Variants in SLC3A1 observed in about 807,000 individuals in gnomAD.
SLC3A1 encodes the protein solute carrier family 3 member 1.
A neutral mutation model predicts 60.3 loss-of-function variants in SLC3A1; 78 were observed. The observed-to-expected ratio is 1.29, with a 90% CI of 1.08 to 1.56. The LOEUF is 1.56. Ranked by LOEUF, SLC3A1 falls within the 40% of genes most tolerant of loss-of-function variation. SLC3A1 has a pLI of 0.00. For missense variants in SLC3A1, 1,172 were observed against 858.9 expected (o/e 1.36, Z -4.56); for synonymous variants, 392 against 307.9 (o/e 1.27, Z -2.86).
intron 3 of SLC3A1, among the ~76,000 whole-genome samples, chr2:44,282,902 C>T (rs537061746): frequency 6.6e-6 from 1 of 152,292 alleles, no homozygotes; most frequent in African/African-American, 2.4e-5. Flanking sequence ...AAGTGATCCT[C>T]CCGCTTCGGC....
chr2:44,319,304 T>G (rs1672715611), intron 9 of SLC3A1: 1 of 152,656 alleles, frequency 6.6e-6, no homozygotes, highest in Non-Finnish European at 1.5e-5. Flanking sequence ...TTATGAAGAA[T>G]AATTTGGCAT....
chr2:44,315,189 C>T (rs1672398873), intron 9 of SLC3A1: 2 of 151,974 alleles, frequency 1.3e-5, no homozygotes, highest in Non-Finnish European at 2.9e-5. Context: ...GTGATCCGCC[C>T]ACCTCGGCCT....
Position 44,313,962 on chromosome 2 carries a change from G to A in SLC3A1, c.1617+11G>A, listed in dbSNP as rs753669406. The stretch of plus-strand genomic sequence containing the variant: ...ACTGTGAATGTTGATGTAAGTATCA[G>A]TGAAAATTTTATGTTGATTCTAGAA... On this transcript the variant is annotated intron_variant, in intron 9 of 9. Transcript: ENST00000260649. 9.3e-6 allele frequency: 15 copies of A among 1,614,010 alleles called. No individual in the cohort carries two copies. In the South Asian group the frequency reaches 1.4e-4, roughly 15 times the overall value.
In SLC3A1 at chr2:44,320,882, A is replaced by G. The variant is rs1672884433; in HGVS notation, c.*243A>G. 3.8e-6 allele frequency: 2 copies of G among 530,026 alleles called. No individual in the cohort carries two copies. The highest frequency in any genetic ancestry group is 2.2e-5 in the South Asian group (1 of 46,210). The allele number at this position is 530,026 out of a possible 1,614,324, so 32.8% of individuals were successfully genotyped here. On this transcript the variant is annotated 3_prime_UTR_variant, in exon 10 of 10. Coordinates refer to ENST00000260649, the MANE Select transcript of SLC3A1 (RefSeq NM_000341.4). ...GATAGCATCAATCAGGGATGACCAG[A>G]ACACATTAGGACCCCAGATTATTCA...
At chr2:44,276,896 A>G (rs1312945538) in intron 1 of SLC3A1, among the ~76,000 whole-genome samples, 1 of 152,178 alleles carries the variant, frequency 6.6e-6, no homozygotes, top group Non-Finnish European at 1.5e-5. Flanking sequence ...CAAGGCAACA[A>G]TAGGAAACAA....
chr2:44,319,574 T>G (rs1420467884), intron 9 of SLC3A1: 1 of 152,568 alleles, frequency 6.6e-6, no homozygotes, highest in African/African-American at 2.4e-5. Flanking sequence ...ATGTTTTATA[T>G]AGCTGTAAAA....
downstream of SLC3A1, among the ~76,000 whole-genome samples, chr2:44,322,165 C>G (rs562474975): frequency 5.3e-5 from 8 of 152,232 alleles, no homozygotes; most frequent in Non-Finnish European, 7.4e-5. Context: ...AGATCATCAA[C>G]CTGCCCTGTG....
intron 8 of SLC3A1, 141 bp from the exon 9 acceptor site, chr2:44,313,694 C>T (rs935760523): frequency 1.3e-6 from 1 of 759,216 alleles, no homozygotes. Flanking sequence ...AAAGTTGAGG[C>T]CTTTTCATCA....
At chr2:44,314,059 AAATC>A (rs764225296) in intron 9 of SLC3A1, 108 bp downstream of exon 9, 2 of 1,568,328 alleles carry the variant, frequency 1.3e-6, no homozygotes, top group South Asian at 1.2e-5. Context: ...GATACTCTTT[AAATC>A]AATCACAGAC....
At chr2:44,313,752 A>G in intron 8 of SLC3A1, 83 bp from the exon 9 acceptor site, 1 of 1,095,356 alleles carries the variant, frequency 9.1e-7, no homozygotes, top group Non-Finnish European at 1.4e-6. Flanking sequence ...GGGGAATTAA[A>G]TAATTATGAA....
chr2:44,290,925 C>T (rs1014798228), intron 4 of SLC3A1, among the ~76,000 whole-genome samples: 4 of 152,092 alleles, frequency 2.6e-5, no homozygotes, highest in Admixed American at 6.6e-5. Flanking sequence ...TTATCACCCA[C>T]GCCTCATGCT....
chr2:44,300,483 C>A (rs1439479354), intron 5 of SLC3A1, among the ~76,000 whole-genome samples: 1 of 151,730 alleles, frequency 6.6e-6, no homozygotes, highest in Admixed American at 6.6e-5. Context: ...TTATTGTCAT[C>A]CTAGAAAGAC....
chr2:44,297,849 C>T (rs539798325), intron 4 of SLC3A1, among the ~76,000 whole-genome samples: 1 of 152,304 alleles, frequency 6.6e-6, no homozygotes, highest in African/African-American at 2.4e-5. Context: ...CCTCCCACCT[C>T]AGCCTCCTAA....
At chr2:44,292,288 T>C (rs1255837508) in intron 4 of SLC3A1, among the ~76,000 whole-genome samples, 1 of 152,194 alleles carries the variant, frequency 6.6e-6, no homozygotes. Context: ...CTAAGCATGA[T>C]ACTGCTGGAG....
intron 7 of SLC3A1, among the ~76,000 whole-genome samples, chr2:44,307,858 G>C (rs968439085): frequency 1.3e-5 from 2 of 152,104 alleles, no homozygotes; most frequent in African/African-American, 4.8e-5. Flanking sequence ...TTTTGTTGTT[G>C]TTGTTACTTG....
At chr2:44,285,954 G>T in intron 3 of SLC3A1, 78 bp from the exon 4 acceptor site, 1 of 1,550,620 alleles carries the variant, frequency 6.4e-7, no homozygotes, top group Non-Finnish European at 8.9e-7. Context: ...GCCTGCAAAG[G>T]ATCAGGGAGG....
At chr2:44,288,044 T>G (rs1671657459) in intron 4 of SLC3A1, among the ~76,000 whole-genome samples, 1 of 152,110 alleles carries the variant, frequency 6.6e-6, no homozygotes, top group South Asian at 2.1e-4. Flanking sequence ...TTTTTTTTTT[T>G]TTTGAGACAG....
At chr2:44,300,971 T>A in intron 5 of SLC3A1, 32 bp from the exon 6 acceptor site, 1 of 1,613,066 alleles carries the variant, frequency 6.2e-7, no homozygotes, top group Non-Finnish European at 8.5e-7. Flanking sequence ...ATGTATGAAA[T>A]GAGGGTAACC....
Position 44,304,160 on chromosome 2 carries a change from C to T in SLC3A1, c.1154C>T (p.Ala385Val), listed in dbSNP as rs759199478. The T allele has an allele frequency of 2.5e-6, 4 of 1,613,870 alleles. No homozygotes were observed. Among genetic ancestry groups the T allele is most frequent in the East Asian group, 4.5e-5 (2 of 44,890 alleles). Residue 385 changes from alanine to valine, a missense_variant, in exon 7 of 10, where the codon GCC (alanine) becomes GTC (valine). Ala to Val is a moderately conservative substitution (Grantham distance 64, BLOSUM62 0). Transcript: ENST00000260649. The part of the protein sequence containing the change: ...PGRYRFMGTE[A>V]YAESIDRTVM... ...TCTTATAGGTTCATGGGGACTGAAGCCTATGCAGAGAGTATTGACAGGACC... is the reference window on the plus strand; with the variant it reads ...TCTTATAGGTTCATGGGGACTGAAGTCTATGCAGAGAGTATTGACAGGACC...
Sources: allele counts gnomAD v4.1 joint callset (sites outside exome capture counted in the v4.1 genomes callset), GRCh38; gene constraint gnomAD v4.1.1; transcripts MANE v1.5; gene names NCBI Gene and HGNC (gene_info 2026-07-23, HGNC 2026-07-21).